CTNNA3: variants seen among roughly 807,000 people sequenced by gnomAD.
CTNNA3 encodes the protein catenin alpha-3.
Under a neutral mutation model 95.7 loss-of-function variants are expected in CTNNA3, and 76 were observed. That is an observed-to-expected ratio of 0.79 (90% confidence interval 0.66 to 0.96). CTNNA3 has a LOEUF of 0.96. Ranked by LOEUF, CTNNA3 falls within the 40% of genes least tolerant of loss-of-function variation. CTNNA3 has a pLI of 0.00. For synonymous variants in CTNNA3, 431 were observed against 374.4 expected (o/e 1.15, Z -1.74); for missense variants, 1,191 against 1,089.8 (o/e 1.09, Z -1.31).
At chr10:66,781,290 C>A (rs1430100708) in intron 7 of CTNNA3, among the ~76,000 whole-genome samples, 9 of 152,072 alleles carry the variant, frequency 5.9e-5, no homozygotes, top group Non-Finnish European at 1.2e-4. Flanking sequence ...TAAAATGATG[C>A]ATTTTCCTTT....
intron 7 of CTNNA3, among the ~76,000 whole-genome samples, chr10:66,942,515 C>G (rs1024289272): frequency 1.1e-4 from 16 of 151,702 alleles, no homozygotes; most frequent in African/African-American, 3.4e-4. Context: ...GTTCCATTAT[C>G]CTACAAATCT....
chr10:67,062,807 G>C (rs1309147772), intron 7 of CTNNA3, among the ~76,000 whole-genome samples: 1 of 152,122 alleles, frequency 6.6e-6, no homozygotes, highest in Non-Finnish European at 1.5e-5. Context: ...AGGCAGATGA[G>C]AAAGAAAAAT....
intron 5 of CTNNA3, among the ~76,000 whole-genome samples, chr10:67,266,850 G>A (rs537242309): frequency 6.6e-6 from 1 of 152,066 alleles, no homozygotes; most frequent in African/African-American, 2.4e-5. Context: ...GTGAGGTAAT[G>A]GATATGTTAA....
intron 11 of CTNNA3, among the ~76,000 whole-genome samples, chr10:66,443,240 G>A (rs2093389213): frequency 6.6e-6 from 1 of 152,182 alleles, no homozygotes; most frequent in African/African-American, 2.4e-5. Context: ...GCAGGGCATA[G>A]ACAAACAAAA....
intron 7 of CTNNA3, among the ~76,000 whole-genome samples, chr10:67,091,703 G>T (rs1245537654): frequency 1.3e-5 from 2 of 152,064 alleles, no homozygotes; most frequent in Non-Finnish European, 2.9e-5. Context: ...GATGAGAGAT[G>T]TGTGTGCCTG....
At chr10:66,858,979 T>C (rs1210702986) in intron 7 of CTNNA3, among the ~76,000 whole-genome samples, 1 of 152,056 alleles carries the variant, frequency 6.6e-6, no homozygotes, top group Non-Finnish European at 1.5e-5. Flanking sequence ...CTAGACCCCA[T>C]ATATAGAGAT....
chr10:67,193,767 T>A (rs1863225165), intron 6 of CTNNA3, among the ~76,000 whole-genome samples: 1 of 150,460 alleles, frequency 6.6e-6, no homozygotes, highest in Admixed American at 6.6e-5. Context: ...TGATTCTATG[T>A]CTTTGCTATT....
chr10:67,121,696 G>A lies in CTNNA3; in HGVS notation c.1047+58621C>T, dbSNP rs573671806. Among the ~76,000 whole-genome samples the A allele has an allele frequency of 2.6e-5, 4 of 151,666 alleles. No individual in the cohort carries two copies. In the East Asian group the frequency reaches 5.8e-4, roughly 22 times the overall value. ...TGTTCAGAGGGTCAAGCAAGTACTG[G>A]GCATGAAAAAATAAACAGGCAAGTG... On this transcript the variant is annotated intron_variant, in intron 7 of 17. Coordinates refer to ENST00000433211, the MANE Select transcript of CTNNA3 (RefSeq NM_013266.4).
At position 66,080,434 on chromosome 10, in the gene CTNNA3, A is replaced by G. The variant is rs150768491; in HGVS notation, c.1978-10945T>C. Among the ~76,000 whole-genome samples the G allele has an allele frequency of 1.1e-3, 163 of 152,278 alleles. 1 individual carries two copies. Among genetic ancestry groups the G allele is most frequent in the Middle Eastern group, 6.8e-3 (2 of 294 alleles). ...ATATATGTCATTTGTGTACATGTGA[A>G]GGTTTGTGAAAATGTTTAGGGACAA... On this transcript the variant is annotated intron_variant, in intron 14 of 17. Coordinates refer to ENST00000433211, the MANE Select transcript of CTNNA3 (RefSeq NM_013266.4).
chr10:67,250,098 G>A (rs774211581), intron 5 of CTNNA3, among the ~76,000 whole-genome samples: 43 of 152,156 alleles, frequency 2.8e-4, no homozygotes, highest in Middle Eastern at 3.4e-3. Flanking sequence ...TTCAGATTCA[G>A]TTGACCCTTG....
chr10:67,439,953 T>G (rs1846437805), intron 5 of CTNNA3, among the ~76,000 whole-genome samples: 1 of 152,104 alleles, frequency 6.6e-6, no homozygotes, highest in African/African-American at 2.4e-5. Flanking sequence ...GAGAAAAGCA[T>G]GGGGAAACGT....
chr10:67,022,607 C>T (rs542405618), intron 7 of CTNNA3, among the ~76,000 whole-genome samples: 1 of 152,098 alleles, frequency 6.6e-6, no homozygotes, highest in Non-Finnish European at 1.5e-5. Context: ...GGTAAGTATA[C>T]TATTTTTTAC....
Position 66,367,192 on chromosome 10 carries a change from G to A in CTNNA3, c.1732+11960C>T, listed in dbSNP as rs555065495. ...TGCTATGTAACTGGTTAGCCCATGC[G>A]TAAGCCATCAATCTACACACCCCTA... On this transcript the variant is annotated intron_variant, in intron 12 of 17. Coordinates refer to ENST00000433211, the MANE Select transcript of CTNNA3 (RefSeq NM_013266.4). 8.6e-4 allele frequency among the ~76,000 whole-genome samples: 129 copies of A among 150,448 alleles called. 2 individuals are homozygous for A. The highest frequency in any genetic ancestry group is 8.8e-4 in the African/African-American group (36 of 40,912).
intron 17 of CTNNA3, among the ~76,000 whole-genome samples, chr10:65,959,811 T>C (rs1373491460): frequency 1.3e-5 from 2 of 152,082 alleles, no homozygotes; most frequent in African/African-American, 4.8e-5. Context: ...CCACCGTACC[T>C]GGCAACTCCC....
At chr10:66,973,943 T>A (rs1045341684) in intron 7 of CTNNA3, among the ~76,000 whole-genome samples, 15 of 152,170 alleles carry the variant, frequency 9.9e-5, no homozygotes, top group African/African-American at 3.1e-4. Context: ...TAATCAACTT[T>A]ATTGAAATAT....
chr10:67,464,499 A>T (rs924993062), intron 5 of CTNNA3, among the ~76,000 whole-genome samples: 1 of 152,142 alleles, frequency 6.6e-6, no homozygotes, highest in South Asian at 2.1e-4. Context: ...ATGTCATTTT[A>T]TTGGAAGAGC....
intron 7 of CTNNA3, among the ~76,000 whole-genome samples, chr10:67,120,539 C>T (rs1483328341): frequency 6.6e-6 from 1 of 151,894 alleles, no homozygotes; most frequent in Non-Finnish European, 1.5e-5. Context: ...TTTGAAAACC[C>T]TCTGAAATGA....
intron 1 of CTNNA3, among the ~76,000 whole-genome samples, chr10:67,670,612 CCA>C (rs1008438826): frequency 1.3e-5 from 2 of 151,958 alleles, no homozygotes; most frequent in African/African-American, 4.8e-5. Flanking sequence ...TCTGAGTAAC[CCA>C]CACACACACA....
At chr10:66,960,379 G>C (rs977328527) in intron 7 of CTNNA3, among the ~76,000 whole-genome samples, 1 of 152,110 alleles carries the variant, frequency 6.6e-6, no homozygotes, top group Non-Finnish European at 1.5e-5. Flanking sequence ...TGTCAAACCA[G>C]ATGTTGTATG....
Sources: allele counts gnomAD v4.1 joint callset (sites outside exome capture counted in the v4.1 genomes callset), GRCh38; gene constraint gnomAD v4.1.1; transcripts MANE v1.5; gene names NCBI Gene and HGNC (gene_info 2026-07-23, HGNC 2026-07-21).